The following GNS variants were observed in gnomAD, a reference collection of about 807,000 sequenced individuals.
The protein encoded by GNS is N-acetylglucosamine-6-sulfatase.
A neutral mutation model predicts 69.7 loss-of-function variants in GNS; 40 were observed. The observed-to-expected ratio is 0.57, with a 90% confidence interval of 0.45 to 0.75. GNS has a LOEUF of 0.75. Ranked by LOEUF, GNS falls within the 30% of genes least tolerant of loss-of-function variation. The pLI, the probability that GNS is intolerant of heterozygous loss-of-function variation, is 0.00. For synonymous variants in GNS, 243 were observed against 251.6 expected (o/e 0.97, Z 0.32); for missense variants, 565 against 685.5 (o/e 0.82, Z 1.96).
At chr12:64,750,797 T>C (rs1168693890) in intron 2 of GNS, among the ~76,000 whole-genome samples, 1 of 151,972 alleles carries the variant, frequency 6.6e-6, no homozygotes, top group Non-Finnish European at 1.5e-5. Context: ...TCCGAGTTAC[T>C]TGGGAAGCTG....
chr12:64,759,322 G>C lies in GNS; in HGVS notation c.-46C>G. 3 of 1,320,030 alleles carry C rather than the reference G, an allele frequency of 2.3e-6. No homozygotes were observed. Among genetic ancestry groups the C allele is most frequent in the Non-Finnish European group, 3.0e-6 (3 of 986,972 alleles). 81.8% of individuals were successfully genotyped at this position (1,320,030 alleles called of 1,614,324 possible). ...ACCCCGGGACGGGACGGGACGGAGG[G>C]ACGCACAGGTAGCTGAAGGGCGAGA... On this transcript the variant is annotated 5_prime_UTR_variant, in exon 1 of 14. Transcript: ENST00000258145.
intron 6 of GNS, among the ~76,000 whole-genome samples, chr12:64,741,620 G>C (rs1869739177): frequency 6.6e-6 from 1 of 151,424 alleles, no homozygotes; most frequent in African/African-American, 2.4e-5. Context: ...CCAAGATATC[G>C]GTCACCCTAG....
In GNS at chr12:64,739,215, C is replaced by T. The variant is rs916565044; in HGVS notation, c.994+166G>A. 5.3e-5 allele frequency among the ~76,000 whole-genome samples: 8 copies of T among 152,108 alleles called. No individual in the cohort carries two copies. In the South Asian group the frequency reaches 6.2e-4, roughly 12 times the overall value. ...CAAATAATGAAACCTGGTTTCTCCA[C>T]GTGGGTATGATGTGGTGCTCCAACT... On this transcript the variant is annotated intron_variant, in intron 8 of 13. Transcript: ENST00000258145.
chr12:64,742,948 C>T (rs1326735810), intron 6 of GNS, among the ~76,000 whole-genome samples, 193 bp downstream of exon 6: 1 of 152,192 alleles, frequency 6.6e-6, no homozygotes, highest in Admixed American at 6.5e-5. Context: ...CAGCTGCTCA[C>T]TGGATGTGTA....
At position 64,722,990 on chromosome 12, in the gene GNS, TC is replaced by T. The variant is rs1869080092; in HGVS notation, c.1308+15del. On this transcript the variant is annotated intron_variant, in intron 11 of 13. Coordinates refer to ENST00000258145, the MANE Select transcript of GNS (RefSeq NM_002076.4). The stretch of plus-strand genomic sequence containing the variant: ...CAGTGAGAAAGCTGTCTAAGTTGAT[TC>T]AAGCTATTACTCACAGATACGCCAG... The T allele has an allele frequency of 6.9e-7, 1 of 1,444,424 alleles. No individual in the cohort carries two copies. The highest frequency in any genetic ancestry group is 1.7e-5 in the Admixed American group (1 of 59,800). 89.5% of individuals were successfully genotyped at this position (1,444,424 alleles called of 1,614,324 possible).
chr12:64,746,549 C>T (rs1354649789), intron 3 of GNS, among the ~76,000 whole-genome samples: 3 of 152,038 alleles, frequency 2.0e-5, no homozygotes, highest in Non-Finnish European at 4.4e-5. Context: ...TTTCAGTTGC[C>T]CTGCAGATGA....
chr12:64,759,003 G>A, intron 1 of GNS, 82 bp downstream of exon 1: 1 of 1,161,994 alleles, frequency 8.6e-7, no homozygotes, highest in Non-Finnish European at 1.3e-6. Context: ...GGGGAGGAGG[G>A]TGGTGGGGAC....
chr12:64,730,688 C>A lies in GNS; in HGVS notation c.1099-1631G>T, dbSNP rs920354125. Reference sequence around the variant, plus strand: ...AGGGATGATACAAGACCCACTGTTACAGATAATTTTCCTGGTTCGAAGACC... The same window carrying A: ...AGGGATGATACAAGACCCACTGTTAAAGATAATTTTCCTGGTTCGAAGACC... On this transcript the variant is annotated intron_variant, in intron 9 of 13. Coordinates refer to ENST00000258145, the MANE Select transcript of GNS (RefSeq NM_002076.4). Among the ~76,000 whole-genome samples, 47 of 152,120 alleles carry A rather than the reference C, an allele frequency of 3.1e-4. 1 individual carries two copies. The highest frequency in any genetic ancestry group is 1.1e-3 in the African/African-American group (47 of 41,428).
chr12:64,748,258 C>T (rs1383683311), intron 2 of GNS, among the ~76,000 whole-genome samples: 1 of 151,844 alleles, frequency 6.6e-6, no homozygotes, highest in Non-Finnish European at 1.5e-5. Context: ...CTGGAGTGCA[C>T]TGGCACAAGC....
intron 5 of GNS, among the ~76,000 whole-genome samples, 167 bp downstream of exon 5, chr12:64,744,642 G>T (rs1348401783): frequency 2.0e-5 from 3 of 152,154 alleles, no homozygotes; most frequent in Admixed American, 1.3e-4. Flanking sequence ...AAAACACCCT[G>T]AGGAGTTTGT....
rs1018242479 is a variant in GNS at position 64,721,484 on chromosome 12, C to T, written c.1419+111G>A. The T allele has an allele frequency of 1.6e-5, 12 of 744,518 alleles. No individual in the cohort carries two copies. In the African/African-American group the frequency reaches 2.1e-4, roughly 13 times the overall value. The allele number at this position is 744,518 out of a possible 1,614,324, so 46.1% of individuals were successfully genotyped here. A position where few individuals can be genotyped will look rare whatever the true frequency, so the allele number is the denominator to read the frequency against. Reference sequence around the variant, plus strand: ...TAAAGTGAAGCACAGATAAGAAACACAACCTCTTCCCTAGGGAGCAGCCTT... The same window carrying T: ...TAAAGTGAAGCACAGATAAGAAACATAACCTCTTCCCTAGGGAGCAGCCTT... On this transcript the variant is annotated intron_variant, in intron 12 of 13. Coordinates refer to ENST00000258145, the MANE Select transcript of GNS (RefSeq NM_002076.4).
chr12:64,736,589 A>G (rs1184850122), intron 9 of GNS, among the ~76,000 whole-genome samples: 1 of 152,242 alleles, frequency 6.6e-6, no homozygotes, highest in Non-Finnish European at 1.5e-5. Flanking sequence ...TGCAAACTTC[A>G]AAAGGAAAAA....
At chr12:64,756,500 G>A (rs1241639104) in intron 1 of GNS, among the ~76,000 whole-genome samples, 4 of 152,168 alleles carry the variant, frequency 2.6e-5, no homozygotes, top group Admixed American at 6.5e-5. Flanking sequence ...GAAAAAGCAT[G>A]GTGATCTGAG....
chr12:64,745,240 GAC>G (rs1869864347), intron 4 of GNS, among the ~76,000 whole-genome samples: 1 of 94,930 alleles, frequency 1.1e-5, no homozygotes, highest in Non-Finnish European at 1.9e-5. Context: ...TTTTTAAAGA[GAC>G]AGAGTCTCTC....
At chr12:64,739,358 C>T in intron 8 of GNS, 23 bp downstream of exon 8, 2 of 1,056,560 alleles carry the variant, frequency 1.9e-6, no homozygotes, top group Non-Finnish European at 3.0e-6. Flanking sequence ...AAGATCACAG[C>T]AGTACCTACT....
chr12:64,758,167 T>C (rs537637761), intron 1 of GNS, among the ~76,000 whole-genome samples: 3 of 152,236 alleles, frequency 2.0e-5, no homozygotes, highest in African/African-American at 7.2e-5. Flanking sequence ...CAACACCCAT[T>C]AGATAGAAAA....
At chr12:64,719,693 T>TG (rs1286946078) in intron 13 of GNS, among the ~76,000 whole-genome samples, 2 of 152,110 alleles carry the variant, frequency 1.3e-5, no homozygotes, top group African/African-American at 4.8e-5. Context: ...AGGGCAGCAG[T>TG]GGGTCGCAGC....
chr12:64,736,005 T>C (rs1187999459), intron 9 of GNS, among the ~76,000 whole-genome samples: 2 of 152,226 alleles, frequency 1.3e-5, no homozygotes, highest in Non-Finnish European at 2.9e-5. Context: ...GTACCCAATA[T>C]ACCCAGAAAG....
At chr12:64,753,040 G>T in intron 1 of GNS, 1 of 457,410 alleles carries the variant, frequency 2.2e-6, no homozygotes, top group Non-Finnish European at 3.9e-6. Context: ...GCCCAGATAA[G>T]GCAGATAGGG....
Sources: allele counts gnomAD v4.1 joint callset (sites outside exome capture counted in the v4.1 genomes callset), GRCh38; gene constraint gnomAD v4.1.1; transcripts MANE v1.5; gene names NCBI Gene and HGNC (gene_info 2026-07-23, HGNC 2026-07-21).